TMTC2: variants seen among roughly 807,000 people sequenced by gnomAD.
TMTC2 encodes the protein transmembrane O-mannosyltransferase targeting cadherins 2, also known as protein O-mannosyl-transferase TMTC2.
TMTC2 carries 43 observed loss-of-function variants against 82.4 expected under a neutral mutation model. The observed-to-expected ratio is 0.52, with a 90% CI of 0.41 to 0.67. The LOEUF is 0.67. Among genes scored for constraint, TMTC2 ranks in the 30% least tolerant of loss-of-function variants. The pLI, the probability that TMTC2 is intolerant of heterozygous loss-of-function variation, is 0.00. For missense variants in TMTC2, 919 were observed against 1,012.4 expected (o/e 0.91, Z 1.25); for synonymous variants, 408 against 381.9 (o/e 1.07, Z -0.80).
intron 1 of TMTC2, among the ~76,000 whole-genome samples, chr12:82,824,934 T>C (rs147785552): frequency 8.5e-4 from 129 of 152,088 alleles, no homozygotes; most frequent in African/African-American, 3.0e-3. Flanking sequence ...ACTAAAATTA[T>C]AAAAACTAGC....
intron 4 of TMTC2, among the ~76,000 whole-genome samples, chr12:82,948,931 G>T (rs1877189093): frequency 6.6e-6 from 1 of 151,612 alleles, no homozygotes; most frequent in Non-Finnish European, 1.5e-5. Context: ...GACTTCCATA[G>T]TGTATCATAC....
chr12:82,885,720 A>T (rs939316390), intron 2 of TMTC2, among the ~76,000 whole-genome samples: 1 of 152,152 alleles, frequency 6.6e-6, no homozygotes, highest in Non-Finnish European at 1.5e-5. Flanking sequence ...TAACATTTTC[A>T]TCACATCATA....
intron 9 of TMTC2, among the ~76,000 whole-genome samples, chr12:83,032,878 G>T (rs904336392): frequency 1.3e-5 from 2 of 152,034 alleles, no homozygotes; most frequent in African/African-American, 4.8e-5. Context: ...TTTTTATTTT[G>T]TGTGGTATTT....
chr12:83,000,458 A>G (rs991374267), intron 8 of TMTC2, among the ~76,000 whole-genome samples: 1 of 152,200 alleles, frequency 6.6e-6, no homozygotes, highest in Non-Finnish European at 1.5e-5. Flanking sequence ...CTAAAGCTCC[A>G]TAATGATCTC....
chr12:82,954,530 A>C (rs1765810266), intron 4 of TMTC2, among the ~76,000 whole-genome samples: 1 of 152,230 alleles, frequency 6.6e-6, no homozygotes, highest in South Asian at 2.1e-4. Flanking sequence ...GCAAGAAAGA[A>C]ACTGTTTATC....
At chr12:82,756,637 G>T (rs1876344471) in intron 1 of TMTC2, among the ~76,000 whole-genome samples, 1 of 152,198 alleles carries the variant, frequency 6.6e-6, no homozygotes, top group Admixed American at 6.5e-5. Flanking sequence ...AACCTGGAGA[G>T]AGTTAGCTTT....
chr12:82,976,738 C>T (rs1878692448), intron 7 of TMTC2, among the ~76,000 whole-genome samples: 1 of 151,974 alleles, frequency 6.6e-6, no homozygotes, highest in Non-Finnish European at 1.5e-5. Context: ...AGGTTTGTAG[C>T]ATAAATGTAT....
chr12:83,020,428 A>C (rs1225316929), intron 8 of TMTC2, among the ~76,000 whole-genome samples: 4 of 152,232 alleles, frequency 2.6e-5, no homozygotes, highest in Admixed American at 1.3e-4. Flanking sequence ...AAAACAGCAT[A>C]TTTTAATATT....
intron 8 of TMTC2, among the ~76,000 whole-genome samples, chr12:82,993,061 T>C (rs187999617): frequency 1.8e-3 from 276 of 152,306 alleles, no homozygotes; most frequent in African/African-American, 5.9e-3. Context: ...TTCGGCTCAC[T>C]GCAACCTCTG....
At chr12:82,953,161 G>C (rs922068649) in intron 4 of TMTC2, among the ~76,000 whole-genome samples, 1 of 152,166 alleles carries the variant, frequency 6.6e-6, no homozygotes, top group African/African-American at 2.4e-5. Context: ...TGGGGTAAGG[G>C]AGGAAGTGCG....
intron 2 of TMTC2, among the ~76,000 whole-genome samples, chr12:82,876,093 CATAAT>C (rs1872530938): frequency 9.9e-6 from 1 of 100,614 alleles, no homozygotes; most frequent in African/African-American, 4.9e-5. Context: ...GATTAGTATT[CATAAT>C]GGTGGTGGTG....
At position 82,687,486 on chromosome 12, in the gene TMTC2, G is replaced by A. The variant is rs1223701112; in HGVS notation, c.-101G>A. On this transcript the variant is annotated 5_prime_UTR_variant, in exon 1 of 12. Transcript: ENST00000321196. The stretch of plus-strand genomic sequence containing the variant: ...GGGGAAGCGAGGGAAAAGTGAAGCT[G>A]GGAGGAGAAGGCGGCGGAAGGTGGA... 14 of 1,140,236 alleles carry A rather than the reference G, an allele frequency of 1.2e-5. No homozygotes were observed. Among genetic ancestry groups the A allele is most frequent in the Non-Finnish European group, 1.8e-5 (14 of 785,740 alleles). The allele number at this position is 1,140,236 out of a possible 1,614,324, so 70.6% of individuals were successfully genotyped here. A position where few individuals can be genotyped will look rare whatever the true frequency, so the allele number is the denominator to read the frequency against.
chr12:82,966,754 G>A (rs1406615430), intron 6 of TMTC2, among the ~76,000 whole-genome samples, 165 bp from the exon 7 acceptor site: 1 of 152,146 alleles, frequency 6.6e-6, no homozygotes, highest in Non-Finnish European at 1.5e-5. Context: ...TGGTGGAATT[G>A]AGATAGTATG....
intron 1 of TMTC2, among the ~76,000 whole-genome samples, chr12:82,770,201 T>G (rs1015351869): frequency 6.6e-6 from 1 of 152,162 alleles, no homozygotes; most frequent in Non-Finnish European, 1.5e-5. Context: ...CCTTCTAATC[T>G]GTGAATTTAG....
At chr12:82,850,137 A>G (rs1870894457) in intron 1 of TMTC2, among the ~76,000 whole-genome samples, 1 of 151,946 alleles carries the variant, frequency 6.6e-6, no homozygotes, top group African/African-American at 2.4e-5. Flanking sequence ...AAACCAAGAC[A>G]CTGTTACTAA....
chr12:82,690,255 G>T (rs964054286), intron 1 of TMTC2: 3 of 422,132 alleles, frequency 7.1e-6, no homozygotes, highest in Non-Finnish European at 9.5e-6. Context: ...CAGATGCAAA[G>T]ATTCATGTTT....
intron 2 of TMTC2, among the ~76,000 whole-genome samples, chr12:82,882,166 A>AT (rs1272303908): frequency 5.3e-5 from 8 of 150,180 alleles, no homozygotes; most frequent in African/African-American, 7.5e-5. Context: ...CGCCCAGCTA[A>AT]TTTTTTGTAT....
chr12:83,108,977 T>G (rs55697416), intron 11 of TMTC2, among the ~76,000 whole-genome samples: 3,422 of 152,312 alleles, frequency 0.022, 142 homozygotes, highest in African/African-American at 0.079. Context: ...TCTGTTCACG[T>G]AAGATCCATT....
chr12:82,974,213 C>T lies in TMTC2; in HGVS notation c.1948+7216C>T, dbSNP rs369818013. ...GAGAGACTCCATCTCTACATACCCA[C>T]GCCCGTGGACACACACAACTGTTTT... On this transcript the variant is annotated intron_variant, in intron 7 of 11. Transcript: ENST00000321196. 1.8e-3 allele frequency among the ~76,000 whole-genome samples: 270 copies of T among 152,136 alleles called. 2 individuals are homozygous for T. The highest frequency in any genetic ancestry group is 5.6e-3 in the African/African-American group (233 of 41,506).
Sources: allele counts gnomAD v4.1 joint callset (sites outside exome capture counted in the v4.1 genomes callset), GRCh38; gene constraint gnomAD v4.1.1; transcripts MANE v1.5; gene names NCBI Gene and HGNC (gene_info 2026-07-23, HGNC 2026-07-21).